TESK2: variants seen among roughly 807,000 people sequenced by gnomAD.
The protein encoded by TESK2 is dual specificity testis-specific protein kinase 2.
A neutral mutation model predicts 57.1 loss-of-function variants in TESK2; 39 were observed. That is an observed-to-expected ratio of 0.68 (90% CI 0.53 to 0.89). TESK2 has a LOEUF of 0.89. Ranked by LOEUF, TESK2 falls within the 40% of genes least tolerant of loss-of-function variation. The pLI is 0.00. For missense variants in TESK2, 646 were observed against 732.1 expected (o/e 0.88, Z 1.36); for synonymous variants, 249 against 267.9 (o/e 0.93, Z 0.69).
At chr1:45,466,677 T>C (rs1308056838) in intron 1 of TESK2, among the ~76,000 whole-genome samples, 2 of 148,582 alleles carry the variant, frequency 1.3e-5, no homozygotes, top group East Asian at 3.9e-4. Context: ...ATATATATTA[T>C]ATATTATATA....
intron 1 of TESK2, among the ~76,000 whole-genome samples, chr1:45,460,055 C>G (rs1557582195): frequency 6.6e-6 from 1 of 151,682 alleles, no homozygotes; most frequent in Non-Finnish European, 1.5e-5. Context: ...ACACTGGAGG[C>G]CCCCAAATGG....
At chr1:45,370,153 A>G (rs1648115679) in intron 4 of TESK2, among the ~76,000 whole-genome samples, 1 of 152,222 alleles carries the variant, frequency 6.6e-6, no homozygotes, top group African/African-American at 2.4e-5. Flanking sequence ...GTACTTGTTA[A>G]AGAAGAGGAG....
Position 45,466,469 on chromosome 1 carries a change from G to A in TESK2, c.-86-8598C>T, listed in dbSNP as rs541593629. Among the ~76,000 whole-genome samples, 101 of 150,104 alleles carry A rather than the reference G, an allele frequency of 6.7e-4. 1 individual carries two copies. The highest frequency in any genetic ancestry group is 2.4e-3 in the African/African-American group (96 of 40,758). ...AGCCTGGGCAACAGAGCAAGACTCC[G>A]TCTCAAAAAAAACAAAAACAAAAAC... On this transcript the variant is annotated intron_variant, in intron 1 of 10. Transcript: ENST00000372086.
intron 1 of TESK2, among the ~76,000 whole-genome samples, chr1:45,471,509 G>A (rs1386593306): frequency 3.3e-5 from 5 of 151,752 alleles, no homozygotes; most frequent in African/African-American, 7.3e-5. Context: ...GGGTTCAAGC[G>A]ATTCTCCTGC....
intron 4 of TESK2, among the ~76,000 whole-genome samples, chr1:45,368,176 A>T (rs113353211): frequency 0.073 from 10,228 of 139,764 alleles, 1,210 homozygotes; most frequent in African/African-American, 0.25. Flanking sequence ...TTGTATATTT[A>T]ATAGAGATGG....
At chr1:45,487,412 CCTG>C (rs1488341386) in intron 1 of TESK2, among the ~76,000 whole-genome samples, 1 of 152,176 alleles carries the variant, frequency 6.6e-6, no homozygotes, top group African/African-American at 2.4e-5. Flanking sequence ...TGCTCAATCT[CCTG>C]CTATCATGCT....
intron 4 of TESK2, among the ~76,000 whole-genome samples, chr1:45,384,057 A>G (rs1648762772): frequency 6.6e-6 from 1 of 152,224 alleles, no homozygotes; most frequent in South Asian, 2.1e-4. Flanking sequence ...AAGAGTTAAC[A>G]TGTATTAAAT....
At chr1:45,354,333 T>C (rs1400099560) in intron 5 of TESK2, among the ~76,000 whole-genome samples, 1 of 151,776 alleles carries the variant, frequency 6.6e-6, no homozygotes, top group East Asian at 1.9e-4. Context: ...CTGTTAAAAA[T>C]ACAAAAGAAA....
At chr1:45,384,359 G>T (rs75883462) in intron 4 of TESK2, among the ~76,000 whole-genome samples, 1 of 145,620 alleles carries the variant, frequency 6.9e-6, no homozygotes, top group Non-Finnish European at 1.5e-5. Flanking sequence ...ATGTATGTAC[G>T]TACGTATCTA....
At chr1:45,382,841 C>A (rs547103677) in intron 4 of TESK2, among the ~76,000 whole-genome samples, 53 of 152,072 alleles carry the variant, frequency 3.5e-4, no homozygotes, top group South Asian at 6.2e-4. Context: ...GCACTCCAGC[C>A]TGGGCAACAA....
In TESK2 at chr1:45,345,536, C is replaced by T. The variant is rs1280904086; in HGVS notation, c.1020G>A (p.Gly340=). 2 of 1,613,690 alleles carry T rather than the reference C, an allele frequency of 1.2e-6. No homozygotes were observed. The highest frequency in any genetic ancestry group is 1.7e-5 in the Admixed American group (1 of 59,974). ...CATCCAGTGAGCTTAGTCGCTTCAC[C>T]CCAGGTGCTTTCTCCAAGAGTCCTG... ...TARGLLEKAP[G]VKRLSSLDDK... is the part of the protein sequence containing the mutation. The change falls in exon 11 of 11, where the codon GGG becomes GGA. Residue 340 remains glycine (G), a synonymous_variant. Transcript: ENST00000372086.
intron 3 of TESK2, among the ~76,000 whole-genome samples, chr1:45,400,051 A>C (rs1001568324): frequency 6.6e-6 from 1 of 152,196 alleles, no homozygotes; most frequent in Non-Finnish European, 1.5e-5. Flanking sequence ...GTGTCGCATT[A>C]TATGGCAAGG....
rs117367954 is a variant in TESK2, at chr1:45,446,522, T to C, written c.222+11042A>G. ...AACATTAAAGCTTAAATGCATATAT[T>C]AGAAAATATGAAATATTAGGAAAAA... On this transcript the variant is annotated intron_variant, in intron 2 of 10. Transcript: ENST00000372086. Among the ~76,000 whole-genome samples the C allele has an allele frequency of 1.5e-4, 23 of 151,940 alleles. No homozygotes were observed. In the East Asian group the frequency reaches 4.3e-3, roughly 28 times the overall value.
intron 3 of TESK2, among the ~76,000 whole-genome samples, chr1:45,390,896 T>C (rs1649108417): frequency 2.0e-5 from 3 of 149,944 alleles, no homozygotes; most frequent in African/African-American, 2.5e-5. Context: ...GCGTGAGCCA[T>C]TGCACCCAGC....
At chr1:45,420,229 T>A (rs1471953021) in intron 3 of TESK2, among the ~76,000 whole-genome samples, 9 of 152,086 alleles carry the variant, frequency 5.9e-5, no homozygotes, top group East Asian at 5.8e-4. Context: ...TTAAGAAAAA[T>A]TTTTTTTAAC....
chr1:45,448,657 G>A (rs1362806859), intron 2 of TESK2, among the ~76,000 whole-genome samples: 2 of 152,082 alleles, frequency 1.3e-5, no homozygotes, highest in African/African-American at 4.8e-5. Flanking sequence ...ACTTATCACC[G>A]ACGGGATGGT....
intron 3 of TESK2, among the ~76,000 whole-genome samples, chr1:45,394,724 C>T (rs1649289107): frequency 1.6e-5 from 2 of 123,566 alleles, no homozygotes; most frequent in African/African-American, 3.1e-5. Flanking sequence ...CAGAGCCGCA[C>T]TCTGTTGCCC....
intron 1 of TESK2, among the ~76,000 whole-genome samples, chr1:45,484,195 G>A (rs1300799329): frequency 7.0e-6 from 1 of 143,704 alleles, no homozygotes. Context: ...TGCAACCTGC[G>A]CCTTCCTGGT....
intron 1 of TESK2, among the ~76,000 whole-genome samples, chr1:45,477,450 C>T (rs1038182718): frequency 6.6e-5 from 10 of 151,854 alleles, no homozygotes; most frequent in African/African-American, 2.4e-4. Flanking sequence ...TGGCTAAACC[C>T]CGTCTCTACT....
Sources: allele counts gnomAD v4.1 joint callset (sites outside exome capture counted in the v4.1 genomes callset), GRCh38; gene constraint gnomAD v4.1.1; transcripts MANE v1.5; gene names NCBI Gene and HGNC (gene_info 2026-07-23, HGNC 2026-07-21).